Variants in FBXO47 observed in about 807,000 individuals in gnomAD.
The protein encoded by FBXO47 is F-box protein 47, also known as F-box only protein 47.
Under a neutral mutation model 53.9 loss-of-function variants are expected in FBXO47, and 34 were observed. That is an observed-to-expected ratio of 0.63 (90% CI 0.48 to 0.84). FBXO47 has a LOEUF of 0.84. Among genes scored for constraint, FBXO47 ranks in the 40% least tolerant of loss-of-function variants. The pLI is 0.00. For missense variants in FBXO47, 485 were observed against 541.3 expected (o/e 0.90, Z 1.03); for synonymous variants, 165 against 181.6 (o/e 0.91, Z 0.73).
intron 1 of FBXO47, among the ~76,000 whole-genome samples, chr17:38,966,771 G>T (rs939193759): frequency 2.0e-5 from 3 of 152,110 alleles, no homozygotes; most frequent in Non-Finnish European, 4.4e-5. Flanking sequence ...CTCAGAGCTG[G>T]ACGTTTCGTA....
At chr17:38,944,190 C>CGTGTGTGTGTGT (rs1479938002) in intron 7 of FBXO47, among the ~76,000 whole-genome samples, 7 of 122,650 alleles carry the variant, frequency 5.7e-5, no homozygotes, top group African/African-American at 1.2e-4. Context: ...TCAAAAAAAA[C>CGTGTGTGTGTGT]ATGTGTGTGT....
intron 6 of FBXO47, 136 bp downstream of exon 6, chr17:38,951,445 T>C (rs899739658): frequency 3.4e-6 from 2 of 580,554 alleles, no homozygotes; most frequent in Non-Finnish European, 2.9e-6. Context: ...CCTCCCACCT[T>C]GGCTTCCCAA....
intron 6 of FBXO47, among the ~76,000 whole-genome samples, chr17:38,947,571 G>T (rs1449725392): frequency 6.6e-6 from 1 of 152,038 alleles, no homozygotes; most frequent in Non-Finnish European, 1.5e-5. Context: ...GCCTCCCAAA[G>T]TGTTGAGATT....
At chr17:38,939,313 AAAAAAAAAAAAT>A (rs1904387776) in intron 9 of FBXO47, among the ~76,000 whole-genome samples, 1 of 125,478 alleles carries the variant, frequency 8.0e-6, no homozygotes, top group Non-Finnish European at 1.6e-5. Flanking sequence ...AAAAAAAAAA[AAAAAAAAAAAAT>A]ATATATATAT....
At chr17:38,965,782 C>A (rs1048714293) in intron 1 of FBXO47, among the ~76,000 whole-genome samples, 11 of 147,514 alleles carry the variant, frequency 7.5e-5, no homozygotes, top group Non-Finnish European at 1.3e-4. Context: ...ACTCTGGAGG[C>A]TGAGGCAGGA....
At chr17:38,959,196 C>CT (rs1278323362) in intron 3 of FBXO47, among the ~76,000 whole-genome samples, 1 of 151,154 alleles carries the variant, frequency 6.6e-6, no homozygotes, top group African/African-American at 2.4e-5. Context: ...CCTTTAGAGA[C>CT]TAACTTTTTT....
At chr17:38,955,089 A>C (rs142962553) in intron 4 of FBXO47, among the ~76,000 whole-genome samples, 156 bp from the exon 5 acceptor site, 1 of 152,290 alleles carries the variant, frequency 6.6e-6, no homozygotes, top group African/African-American at 2.4e-5. Flanking sequence ...GGATTATAAA[A>C]GTAGTATAAA....
At chr17:38,946,028 AAT>A (rs1452532532) in intron 6 of FBXO47, among the ~76,000 whole-genome samples, 7 of 133,862 alleles carry the variant, frequency 5.2e-5, no homozygotes, top group East Asian at 2.2e-4. Context: ...AAAATATAAA[AAT>A]ATATATAAAT....
At chr17:38,945,479 C>T (rs1904711969) in intron 6 of FBXO47, among the ~76,000 whole-genome samples, 1 of 152,038 alleles carries the variant, frequency 6.6e-6, no homozygotes, top group African/African-American at 2.4e-5. Flanking sequence ...ATACTTTGTA[C>T]TGAAAGTGTC....
chr17:38,944,870 G>GTGTGTGTGTGTGTGTGTA (rs1904678734), intron 7 of FBXO47, 90 bp downstream of exon 7: 2 of 949,538 alleles, frequency 2.1e-6, no homozygotes, highest in Non-Finnish European at 1.6e-6. Flanking sequence ...GTGTGTGTGT[G>GTGTGTGTGTGTGTGTGTA]TATAATATAT....
intron 9 of FBXO47, among the ~76,000 whole-genome samples, chr17:38,941,620 TTATATATATA>T (rs3040090): frequency 6.1e-5 from 7 of 115,198 alleles, no homozygotes; most frequent in African/African-American, 1.5e-4. Context: ...AAATATAATA[TTATATATATA>T]TATATATATA....
intron 5 of FBXO47, among the ~76,000 whole-genome samples, chr17:38,952,924 A>G (rs1598145219): frequency 6.7e-6 from 1 of 149,006 alleles, no homozygotes; most frequent in Admixed American, 6.8e-5. Context: ...AAAGTGCTGG[A>G]ATTACAGGTG....
Position 38,962,970 on chromosome 17 carries a change from C to G in FBXO47, c.56G>C (p.Arg19Pro), listed in dbSNP as rs200628064. 2 of 1,612,166 alleles carry G rather than the reference C, an allele frequency of 1.2e-6. No individual in the cohort carries two copies. The highest frequency in any genetic ancestry group is 2.2e-5 in the South Asian group (2 of 90,920). The change falls in exon 2 of 11, where the codon CGT (arginine) becomes CCT (proline). Residue 19 changes from arginine to proline, a missense_variant. Physicochemically the swap from Arg to Pro is moderately radical, Grantham distance 103. Coordinates refer to ENST00000378079, the MANE Select transcript of FBXO47 (RefSeq NM_001008777.3). ...ATAACAGCTGGTTTGACGATTACTA[C>G]GTCTAAGTTTCTGGTTGGGAATCAA... ...FTLIPNQKLRRSNRQTSCYSK... is the reference protein window; with the variant it reads ...FTLIPNQKLRPSNRQTSCYSK...
At chr17:38,939,092 G>A (rs914903631) in intron 9 of FBXO47, among the ~76,000 whole-genome samples, 1 of 151,280 alleles carries the variant, frequency 6.6e-6, no homozygotes, top group Non-Finnish European at 1.5e-5. Flanking sequence ...TCAGGAGTTC[G>A]AGACCAGCCT....
At chr17:38,954,825 C>T (rs757327318) in intron 5 of FBXO47, 31 bp downstream of exon 5, 7 of 1,300,364 alleles carry the variant, frequency 5.4e-6, no homozygotes, top group South Asian at 1.2e-5. Context: ...CCAAAGGTAT[C>T]CCTTTTCTTC....
chr17:38,959,007 A>T (rs139244420), intron 3 of FBXO47, among the ~76,000 whole-genome samples: 9 of 152,174 alleles, frequency 5.9e-5, no homozygotes, highest in Admixed American at 2.6e-4. Context: ...GGCACAATTG[A>T]TCCTCCTGCC....
chr17:38,939,422 T>TG (rs1184307499), intron 9 of FBXO47, among the ~76,000 whole-genome samples: 2 of 145,640 alleles, frequency 1.4e-5, no homozygotes, highest in East Asian at 4.0e-4. Flanking sequence ...ATTGAGCACC[T>TG]GCTAGGAGCT....
intron 6 of FBXO47, among the ~76,000 whole-genome samples, chr17:38,948,337 C>A (rs764185487): frequency 1.3e-5 from 2 of 151,276 alleles, no homozygotes; most frequent in Non-Finnish European, 2.9e-5. Flanking sequence ...CTCAGCCTCC[C>A]GAGTAGCTGG....
Position 38,937,023 on chromosome 17 carries a change from C to T in FBXO47, c.*152G>A, listed in dbSNP as rs918986662. ...TTATTTTTATATTAATAATGATGTA[C>T]GTAGTTGCTTCTAAAATTCTATCCA... On this transcript the variant is annotated 3_prime_UTR_variant, in exon 11 of 11. Coordinates refer to ENST00000378079, the MANE Select transcript of FBXO47 (RefSeq NM_001008777.3). The T allele has an allele frequency of 6.8e-6, 3 of 443,274 alleles. No homozygotes were observed. The highest frequency in any genetic ancestry group is 3.5e-5 in the East Asian group (1 of 28,362). The allele number at this position is 443,274 out of a possible 1,614,324, so 27.5% of individuals were successfully genotyped here.
Sources: allele counts gnomAD v4.1 joint callset (sites outside exome capture counted in the v4.1 genomes callset), GRCh38; gene constraint gnomAD v4.1.1; transcripts MANE v1.5; gene names NCBI Gene and HGNC (gene_info 2026-07-23, HGNC 2026-07-21).